Variants in MSL2 observed in about 807,000 individuals in gnomAD.
The protein encoded by MSL2 is MSL complex subunit 2, also known as E3 ubiquitin-protein ligase MSL2.
MSL2 carries 2 observed loss-of-function variants against 35.8 expected under a neutral mutation model. The ratio of observed to expected loss-of-function variants is 0.06; its 90% CI spans 0.02 to 0.18. MSL2 has a LOEUF of 0.18. Among genes scored for constraint, MSL2 ranks in the 10% least tolerant of loss-of-function variants. The pLI, the probability that MSL2 is intolerant of heterozygous loss-of-function variation, is 1.00. For missense variants in MSL2, 523 were observed against 706.7 expected (o/e 0.74, Z 2.95); for synonymous variants, 296 against 255.7 (o/e 1.16, Z -1.50).
rs1559977430 is a variant in MSL2, at chr3:136,195,597, G to A, written c.-484C>T. ...GGCCTCTTACTCCATCCCAGTACAG[G>A]GCGCGGAGGCGGCGGCGACGGCAAG... On this transcript the variant is annotated 5_prime_UTR_variant, in exon 1 of 2. Coordinates refer to ENST00000309993, the MANE Select transcript of MSL2 (RefSeq NM_018133.4). The A allele has an allele frequency of 2.0e-6, 2 of 986,586 alleles. No homozygotes were observed. The highest frequency in any genetic ancestry group is 4.7e-5 in the South Asian group (1 of 21,464). 61.1% of individuals were successfully genotyped at this position (986,586 alleles called of 1,614,324 possible). A position where few individuals can be genotyped will look rare whatever the true frequency, so the allele number is the denominator to read the frequency against.
intron 1 of MSL2, among the ~76,000 whole-genome samples, chr3:136,161,276 A>G (rs1303266031): frequency 6.6e-6 from 1 of 152,244 alleles, no homozygotes; most frequent in African/African-American, 2.4e-5. Flanking sequence ...TAAAACAGGT[A>G]CAACAATCAC....
At chr3:136,185,585 G>A (rs1354546787) in intron 1 of MSL2, among the ~76,000 whole-genome samples, 1 of 151,772 alleles carries the variant, frequency 6.6e-6, no homozygotes, top group Non-Finnish European at 1.5e-5. Context: ...CGCCCAGGCT[G>A]GAGTGCAGTG....
intron 1 of MSL2, among the ~76,000 whole-genome samples, chr3:136,154,908 C>A (rs140604329): frequency 0.01 from 1,538 of 152,192 alleles, 29 homozygotes; most frequent in African/African-American, 0.033. Context: ...AATTATAATA[C>A]ATTTTAAGAA....
intron 1 of MSL2, among the ~76,000 whole-genome samples, chr3:136,193,660 T>TA (rs761516306): frequency 4.6e-5 from 7 of 151,892 alleles, no homozygotes; most frequent in Non-Finnish European, 1.0e-4. Context: ...TTGATACACT[T>TA]ACATTTGTAA....
intron 1 of MSL2, among the ~76,000 whole-genome samples, chr3:136,176,515 CAAAAAAAAAA>C (rs771021498): frequency 5.5e-5 from 3 of 54,154 alleles, no homozygotes; most frequent in Non-Finnish European, 1.2e-4. Context: ...GACCCTCTCT[CAAAAAAAAAA>C]AAAAAAAAAA....
In MSL2 at chr3:136,196,125, C is replaced by A; in HGVS notation, c.-1012G>T. Reference sequence around the variant, plus strand: ...CACAGCAAGGCCCCGCCGCAGGCCCCTCCCCCGTGCCTCGCCGCCCTCACC... The same window carrying A: ...CACAGCAAGGCCCCGCCGCAGGCCCATCCCCCGTGCCTCGCCGCCCTCACC... On this transcript the variant is annotated 5_prime_UTR_variant, in exon 1 of 2. It adds an upstream start codon to the 5' untranslated region. Transcript: ENST00000309993. 6.5e-6 allele frequency: 1 copy of A among 153,862 alleles called. No individual in the cohort carries two copies. Among genetic ancestry groups the A allele is most frequent in the South Asian group, 1.8e-4 (1 of 5,502 alleles). The allele number at this position is 153,862 out of a possible 1,614,324, so 9.5% of individuals were successfully genotyped here. A position where few individuals can be genotyped will look rare whatever the true frequency, so the allele number is the denominator to read the frequency against.
chr3:136,165,104 G>A (rs979255612), intron 1 of MSL2, among the ~76,000 whole-genome samples: 10 of 151,684 alleles, frequency 6.6e-5, no homozygotes, highest in Non-Finnish European at 1.3e-4. Flanking sequence ...TGAACTGCTG[G>A]CGCTCAGGTG....
chr3:136,166,114 C>T (rs1939842998), intron 1 of MSL2, among the ~76,000 whole-genome samples: 1 of 145,966 alleles, frequency 6.9e-6, no homozygotes, highest in South Asian at 2.2e-4. Flanking sequence ...CTGGGCCAGG[C>T]ACGATGGCTC....
At position 136,195,879 on chromosome 3, in the gene MSL2, G is replaced by A; in HGVS notation, c.-766C>T. ...GCCGCCGGCGGGCGGGAGGGGGCGGGGGGCAAGCCCGGCCGGGCCGCGGCG... is the reference window on the plus strand; with the variant it reads ...GCCGCCGGCGGGCGGGAGGGGGCGGAGGGCAAGCCCGGCCGGGCCGCGGCG... On this transcript the variant is annotated 5_prime_UTR_variant, in exon 1 of 2. Coordinates refer to ENST00000309993, the MANE Select transcript of MSL2 (RefSeq NM_018133.4). 1 of 943,044 alleles carries A rather than the reference G, an allele frequency of 1.1e-6. No individual in the cohort carries two copies. The highest frequency in any genetic ancestry group is 1.3e-6 in the Non-Finnish European group (1 of 792,432). The allele number at this position is 943,044 out of a possible 1,614,324, so 58.4% of individuals were successfully genotyped here.
chr3:136,159,948 A>G (rs1657013448), intron 1 of MSL2, among the ~76,000 whole-genome samples: 1 of 152,082 alleles, frequency 6.6e-6, no homozygotes. Flanking sequence ...TTAAAAACTT[A>G]CTGTGCTTCA....
intron 1 of MSL2, among the ~76,000 whole-genome samples, chr3:136,163,591 G>T (rs78198452): frequency 2.0e-5 from 3 of 152,064 alleles, no homozygotes; most frequent in Admixed American, 2.0e-4. Flanking sequence ...ATCAAGACTC[G>T]GGGCAAACCT....
intron 1 of MSL2, among the ~76,000 whole-genome samples, chr3:136,156,808 TG>T: frequency 6.6e-6 from 1 of 152,180 alleles, no homozygotes; most frequent in African/African-American, 2.4e-5. Flanking sequence ...TGAGCCAAGA[TG>T]GCGCCACTGC....
chr3:136,173,666 T>C (rs1181693288), intron 1 of MSL2, among the ~76,000 whole-genome samples: 1 of 152,230 alleles, frequency 6.6e-6, no homozygotes, highest in Non-Finnish European at 1.5e-5. Flanking sequence ...CTTATCTCCG[T>C]GCCTTACCTA....
chr3:136,154,379 G>A (rs1939457763), intron 1 of MSL2, among the ~76,000 whole-genome samples: 1 of 152,032 alleles, frequency 6.6e-6, no homozygotes, highest in African/African-American at 2.4e-5. Context: ...AATTATCAAT[G>A]ACATATACAT....
rs949389467 is a variant in MSL2 at position 136,163,529 on chromosome 3, C to A, written c.143-10791G>T. Among the ~76,000 whole-genome samples the A allele has an allele frequency of 4.6e-5, 7 of 152,122 alleles. No individual in the cohort carries two copies. In the South Asian group the frequency reaches 8.3e-4, roughly 18 times the overall value. On this transcript the variant is annotated intron_variant, in intron 1 of 1. Coordinates refer to ENST00000309993, the MANE Select transcript of MSL2 (RefSeq NM_018133.4). ...TTTCAAGTTTGTGCCATGAATTGCA[C>A]AAGAGGAGTTTTGATCACCTTGTTA... is the stretch of plus-strand genomic sequence containing the variant.
chr3:136,181,981 GA>G (rs1052502228), intron 1 of MSL2, among the ~76,000 whole-genome samples: 40 of 150,510 alleles, frequency 2.7e-4, no homozygotes, highest in South Asian at 1.5e-3. Context: ...GTGGGCTGAA[GA>G]AAAAAAAATT....
In MSL2 at chr3:136,152,586, G is replaced by A; in HGVS notation, c.295C>T (p.Leu99=). Residue 99 remains leucine (L), a synonymous_variant, in exon 2 of 2, where the codon CTA becomes TTA. Transcript: ENST00000309993. ...QFEENKQLSI[L]VNCYKKLCEY... ...CATAGTTTTTTGTAGCAGTTCACTA[G>A]GATGCTTAACTGCTTGTTTTCCTCA... 1 of 1,614,090 alleles carries A rather than the reference G, an allele frequency of 6.2e-7. No homozygotes were observed.
chr3:136,163,116 G>A (rs1939755988), intron 1 of MSL2, among the ~76,000 whole-genome samples: 1 of 151,994 alleles, frequency 6.6e-6, no homozygotes, highest in African/African-American at 2.4e-5. Flanking sequence ...CATATTAGCT[G>A]GGCATGGTGG....
At chr3:136,175,281 T>C (rs913655459) in intron 1 of MSL2, among the ~76,000 whole-genome samples, 38 of 150,050 alleles carry the variant, frequency 2.5e-4, no homozygotes, top group African/African-American at 9.3e-4. Context: ...GAGGCGGAGG[T>C]TGCAGTGAGC....
Sources: allele counts gnomAD v4.1 joint callset (sites outside exome capture counted in the v4.1 genomes callset), GRCh38; gene constraint gnomAD v4.1.1; transcripts MANE v1.5; gene names NCBI Gene and HGNC (gene_info 2026-07-23, HGNC 2026-07-21).